PDE1C: variants seen among roughly 807,000 people sequenced by gnomAD.
The protein encoded by PDE1C is phosphodiesterase 1C, also known as dual specificity calcium/calmodulin-dependent 3',5'-cyclic nucleotide phosphodiesterase 1C.
Under a neutral mutation model 93.1 loss-of-function variants are expected in PDE1C, and 62 were observed. The observed-to-expected ratio is 0.67, with a 90% CI of 0.54 to 0.82. The LOEUF (loss-of-function observed/expected upper bound fraction) is 0.82, where lower values mean the gene tolerates loss of function less well. Ranked by LOEUF, PDE1C falls within the 40% of genes least tolerant of loss-of-function variation. PDE1C has a pLI of 0.00. For synonymous variants in PDE1C, 325 were observed against 310.1 expected (o/e 1.05, Z -0.50); for missense variants, 742 against 884.6 (o/e 0.84, Z 2.04).
chr7:31,935,745 C>T (rs1804960906), intron 2 of PDE1C, among the ~76,000 whole-genome samples: 1 of 152,082 alleles, frequency 6.6e-6, no homozygotes, highest in African/African-American at 2.4e-5. Context: ...AAATAAAATG[C>T]TATGGGGGAC....
intron 1 of PDE1C, among the ~76,000 whole-genome samples, chr7:32,343,327 T>G (rs1783795802): frequency 6.6e-6 from 1 of 152,214 alleles, no homozygotes. Context: ...TAGTATTTAT[T>G]TGAGTTTTGG....
At chr7:31,925,977 G>A (rs1157500954) in intron 2 of PDE1C, among the ~76,000 whole-genome samples, 2 of 151,830 alleles carry the variant, frequency 1.3e-5, no homozygotes, top group African/African-American at 4.8e-5. Flanking sequence ...TTCTCTTCCT[G>A]CCCACCCCAA....
the PDE1C span, among the ~76,000 whole-genome samples, chr7:31,739,291 T>C: frequency 1.3e-5 from 2 of 151,262 alleles, no homozygotes; most frequent in South Asian, 4.2e-4. Context: ...ATGAGTGGAA[T>C]AAAGCCTCAC....
chr7:31,707,351 T>C, the PDE1C span: 11 of 1,339,272 alleles, frequency 8.2e-6, no homozygotes, highest in African/African-American at 1.5e-5. Flanking sequence ...AGAGAAAAAA[T>C]AGACTTGTTT....
At chr7:31,913,725 T>C (rs1341439400) in intron 2 of PDE1C, among the ~76,000 whole-genome samples, 1 of 152,192 alleles carries the variant, frequency 6.6e-6, no homozygotes, top group Non-Finnish European at 1.5e-5. Context: ...TGTCATCCCC[T>C]TTGAAGGACC....
intron 2 of PDE1C, among the ~76,000 whole-genome samples, chr7:32,171,069 C>T (rs1802616961): frequency 6.6e-6 from 1 of 152,164 alleles, no homozygotes; most frequent in Admixed American, 6.5e-5. Flanking sequence ...AATGTCCCAC[C>T]CCACCTCCTG....
chr7:31,643,796 G>C, the PDE1C span: 1 of 1,613,796 alleles, frequency 6.2e-7, no homozygotes, highest in Non-Finnish European at 8.5e-7. Context: ...TGCATCTGCT[G>C]TCATCACCAC....
chr7:32,147,117 GA>G (rs1800886622), intron 3 of PDE1C, among the ~76,000 whole-genome samples: 1 of 151,264 alleles, frequency 6.6e-6, no homozygotes, highest in African/African-American at 2.4e-5. Flanking sequence ...CTTTTAAAAG[GA>G]TGAAGTAAAT....
intron 2 of PDE1C, among the ~76,000 whole-genome samples, chr7:32,201,728 A>G (rs1805026199): frequency 2.0e-5 from 3 of 152,230 alleles, no homozygotes; most frequent in African/African-American, 7.2e-5. Flanking sequence ...GCATGGGCAA[A>G]GCAGTCTTTA....
chr7:31,833,319 C>T (rs1036246580), intron 11 of PDE1C, among the ~76,000 whole-genome samples: 1 of 152,134 alleles, frequency 6.6e-6, no homozygotes, highest in Non-Finnish European at 1.5e-5. Context: ...TCTTTATCAG[C>T]AGCGTGAAAA....
At chr7:32,387,746 A>G (rs1351032527) in intron 1 of PDE1C, among the ~76,000 whole-genome samples, 1 of 125,220 alleles carries the variant, frequency 8.0e-6, no homozygotes, top group Admixed American at 7.7e-5. Flanking sequence ...ACTTCCCAGT[A>G]GGGGCGGCCG....
intron 16 of PDE1C, chr7:31,790,406 C>A: frequency 1.5e-6 from 1 of 658,280 alleles, no homozygotes; most frequent in Non-Finnish European, 2.6e-6. Context: ...TCATTGCTGT[C>A]TCCCTTGTAA....
chr7:31,953,898 T>C (rs1807758902), intron 2 of PDE1C, among the ~76,000 whole-genome samples: 1 of 152,224 alleles, frequency 6.6e-6, no homozygotes, highest in African/African-American at 2.4e-5. Context: ...TCTTGGTTCC[T>C]TGATCCATAA....
chr7:32,359,424 T>C (rs1026056401), intron 1 of PDE1C, among the ~76,000 whole-genome samples: 2 of 146,524 alleles, frequency 1.4e-5, no homozygotes, highest in African/African-American at 5.0e-5. Context: ...TATATGTATA[T>C]GACTCATTTA....
upstream of PDE1C, chr7:32,071,421 T>C (rs2128728486): frequency 3.0e-6 from 3 of 985,408 alleles, no homozygotes; most frequent in Admixed American, 6.1e-5. Context: ...TCAAAAACTC[T>C]TGATGTTTTC....
In PDE1C at chr7:31,753,409, A is replaced by G. The variant is rs1304752091; in HGVS notation, c.2105T>C (p.Ile702Thr). Residue 702 changes from isoleucine to threonine, a missense_variant, in exon 18 of 18, where the codon ATC (isoleucine) becomes ACC (threonine). Around this residue, in one of 4 missense-constraint regions of PDE1C, gnomAD observed 454 missense variants for 459.4 expected, o/e 0.99. Coordinates refer to ENST00000396191, the MANE Select transcript of PDE1C (RefSeq NM_001191057.4). ...QRIKMKKIQNISHNWNRK is the reference protein window; with the variant it reads ...QRIKMKKIQNTSHNWNRK ...CTATTTTCTGTTCCAGTTATGTGAGATGTTCTGAATCTTTTTCATTTTGAT... is the reference window on the plus strand; with the variant it reads ...CTATTTTCTGTTCCAGTTATGTGAGGTGTTCTGAATCTTTTTCATTTTGAT... The G allele has an allele frequency of 1.2e-6, 2 of 1,612,114 alleles. No individual in the cohort carries two copies. Among genetic ancestry groups the G allele is most frequent in the Admixed American group, 3.3e-5 (2 of 59,942 alleles).
chr7:32,393,439 ATATTT>A (rs1201673205), intron 1 of PDE1C, among the ~76,000 whole-genome samples: 1 of 152,216 alleles, frequency 6.6e-6, no homozygotes, highest in Non-Finnish European at 1.5e-5. Flanking sequence ...CTAACCTATT[ATATTT>A]AAGTTTCCAG....
intron 1 of PDE1C, among the ~76,000 whole-genome samples, chr7:32,226,560 A>G (rs1807285291): frequency 6.6e-6 from 1 of 152,108 alleles, no homozygotes. Flanking sequence ...GGCTGGTCAG[A>G]GGGGGGCCCC....
At chr7:31,786,399 C>T (rs754424089) in intron 16 of PDE1C, 18 of 151,510 alleles carry the variant, frequency 1.2e-4, no homozygotes, top group Non-Finnish European at 1.8e-4. Context: ...CTGCAATTTC[C>T]TATCTCTGGT....
Sources: gnomAD v4.1 joint callset for allele counts (sites outside exome capture counted in the v4.1 genomes callset) on GRCh38, gnomAD v4.1.1 for gene constraint, gnomAD v4.1.1 regional missense constraint, MANE v1.5 for transcripts, NCBI Gene and HGNC (gene_info 2026-07-23, HGNC 2026-07-21) for gene names.